The following PCCA variants were observed in gnomAD, a reference collection of about 807,000 sequenced individuals.
PCCA encodes propionyl-CoA carboxylase alpha chain, mitochondrial.
In PCCA, 74 loss-of-function variants were observed where a neutral mutation model predicts 101.3. That is an observed-to-expected ratio of 0.73 (90% confidence interval 0.61 to 0.89). The LOEUF (loss-of-function observed/expected upper bound fraction) is 0.89. PCCA is among the 40% of genes least tolerant of loss of function. The pLI, the probability that PCCA is intolerant of heterozygous loss-of-function variation, is 0.00. For missense variants in PCCA, 891 were observed against 907.0 expected, an observed-to-expected ratio of 0.98 and a Z score of 0.23; for synonymous variants, 294 against 313.6, an observed-to-expected ratio of 0.94 and a Z score of 0.66.
At chr13:100,192,544 T>C (rs1391504062) in intron 6 of PCCA, among the ~76,000 whole-genome samples, 1 of 152,184 alleles carries the variant, frequency 6.6e-6, no homozygotes, top group Non-Finnish European at 1.5e-5. Flanking sequence ...AGGATCATTA[T>C]TATTCTCTGA....
At chr13:100,494,405 C>T (rs545610056) in intron 21 of PCCA, among the ~76,000 whole-genome samples, 5 of 151,050 alleles carry the variant, frequency 3.3e-5, no homozygotes, top group South Asian at 4.2e-4. Flanking sequence ...AAATTCCGGC[C>T]GGGTACGGTG....
At chr13:100,181,737 T>C (rs1391939579) in intron 6 of PCCA, among the ~76,000 whole-genome samples, 5 of 150,130 alleles carry the variant, frequency 3.3e-5, no homozygotes, top group African/African-American at 1.2e-4. Context: ...TAGTTACTAA[T>C]ATTCTTTTTT....
rs570608115 is a variant in PCCA at position 100,244,049 on chromosome 13, C to A, written c.637+8171C>A. On this transcript the variant is annotated intron_variant, in intron 8 of 23. Transcript: ENST00000376285. Reference sequence around the variant, plus strand: ...TGGGGTTAAGGTTATATGGAAGAAACCTTTGCAAAAACATTACAATTTATA... The same window carrying A: ...TGGGGTTAAGGTTATATGGAAGAAAACTTTGCAAAAACATTACAATTTATA... Among the ~76,000 whole-genome samples, 10 of 152,090 alleles carry A rather than the reference C, an allele frequency of 6.6e-5. No individual in the cohort carries two copies. In the South Asian group the frequency reaches 8.3e-4, roughly 13 times the overall value.
At chr13:100,285,774 G>A (rs1362653801) in intron 12 of PCCA, among the ~76,000 whole-genome samples, 4 of 152,140 alleles carry the variant, frequency 2.6e-5, no homozygotes, top group South Asian at 2.1e-4. Flanking sequence ...TATGCTGCCC[G>A]AGATGATCTC....
intron 19 of PCCA, among the ~76,000 whole-genome samples, chr13:100,422,070 TTTTCTTTCTTTCTTTCTTTCTTTCTTTC>T (rs1555454057): frequency 9.0e-6 from 1 of 110,666 alleles, no homozygotes; most frequent in East Asian, 2.7e-4. Context: ...TTCTCTTTTC[TTTTCTTTCTTTCTTTCTTTCTTTCTTTC>T]TTTCTTTCTT....
intron 16 of PCCA, among the ~76,000 whole-genome samples, chr13:100,314,739 A>G (rs2067194050): frequency 1.3e-5 from 2 of 152,236 alleles, no homozygotes; most frequent in Admixed American, 6.5e-5. Context: ...CTCTTCAAAC[A>G]TGTCAAGGTC....
At position 100,215,719 on chromosome 13, in the gene PCCA, C is replaced by T. The variant is rs147166101; in HGVS notation, c.600+6256C>T. Among the ~76,000 whole-genome samples, 256 of 152,112 alleles carry T rather than the reference C, an allele frequency of 1.7e-3. 1 individual carries two copies. Among genetic ancestry groups the T allele is most frequent in the African/African-American group, 5.9e-3 (245 of 41,504 alleles). On this transcript the variant is annotated intron_variant, in intron 7 of 23. Transcript: ENST00000376285. ...GTGTCATGATCTCGGCTCACTGTAA[C>T]CTCCGTCCACCCTGGGTTCAAGCAA...
At chr13:100,275,338 CT>C (rs977885186) in intron 12 of PCCA, among the ~76,000 whole-genome samples, 104 of 152,260 alleles carry the variant, frequency 6.8e-4, no homozygotes, top group African/African-American at 2.5e-3. Flanking sequence ...GTAGACCGTC[CT>C]TGTGTCCTTG....
chr13:100,467,539 T>G (rs1463770396), intron 21 of PCCA, among the ~76,000 whole-genome samples: 5 of 152,064 alleles, frequency 3.3e-5, no homozygotes, highest in Non-Finnish European at 7.4e-5. Context: ...CCAGACTAAT[T>G]TTTTGTATTT....
In PCCA at chr13:100,391,023, CTTTT is replaced by C. The variant is rs796230963; in HGVS notation, c.1746+22458_1746+22461del. 2.1e-5 allele frequency among the ~76,000 whole-genome samples: 3 copies of C among 144,578 alleles called. No homozygotes were observed. In the South Asian group the frequency reaches 6.6e-4, roughly 32 times the overall value. 94.8% of individuals were successfully genotyped at this position (144,578 alleles called of 152,430 possible). ...AAGAACTAGGAGAAGGGCCTCTGTGCTTTTTTTTTTTTGAAATGGAGTCTTGCTC... is the reference window on the plus strand; with the variant it reads ...AAGAACTAGGAGAAGGGCCTCTGTGCTTTTTTTTGAAATGGAGTCTTGCTC... On this transcript the variant is annotated intron_variant, in intron 19 of 23. Coordinates refer to ENST00000376285, the MANE Select transcript of PCCA (RefSeq NM_000282.4).
chr13:100,260,180 G>A (rs2062391517), intron 9 of PCCA, among the ~76,000 whole-genome samples: 1 of 152,130 alleles, frequency 6.6e-6, no homozygotes, highest in Non-Finnish European at 1.5e-5. Flanking sequence ...TTTCTTTGAA[G>A]TTTGCAGCCT....
intron 19 of PCCA, among the ~76,000 whole-genome samples, chr13:100,384,964 A>ATATTTTATATTTATTTTT (rs1445280364): frequency 2.2e-4 from 33 of 152,194 alleles, no homozygotes; most frequent in Admixed American, 2.2e-3. Flanking sequence ...TTTTGAAGTC[A>ATATTTTATATTTATTTTT]TATTTTATAT....
chr13:100,138,934 CAAAAAAA>C (rs34466523), intron 4 of PCCA, among the ~76,000 whole-genome samples: 2 of 83,112 alleles, frequency 2.4e-5, no homozygotes, highest in South Asian at 4.2e-4. Flanking sequence ...AACTCCATCT[CAAAAAAA>C]AAAAAAAAAA....
At chr13:100,301,722 T>C (rs749177040) in intron 13 of PCCA, 119 bp downstream of exon 13, 8 of 1,137,326 alleles carry the variant, frequency 7.0e-6, no homozygotes, top group Non-Finnish European at 1.1e-5. Context: ...TTGGATTACG[T>C]AATCCATAAT....
At chr13:100,114,679 G>C (rs115138278) in intron 4 of PCCA, among the ~76,000 whole-genome samples, 279 of 152,304 alleles carry the variant, frequency 1.8e-3, no homozygotes, top group African/African-American at 6.4e-3. Context: ...TATATGTAAA[G>C]GTGCTCGACA....
chr13:100,224,418 C>T (rs1340653073), intron 7 of PCCA, among the ~76,000 whole-genome samples: 7 of 152,232 alleles, frequency 4.6e-5, no homozygotes, highest in Admixed American at 2.0e-4. Flanking sequence ...CCCTGGTTCC[C>T]GCTGGCGCCT....
At chr13:100,381,829 T>A (rs964136453) in intron 19 of PCCA, among the ~76,000 whole-genome samples, 1 of 152,222 alleles carries the variant, frequency 6.6e-6, no homozygotes, top group African/African-American at 2.4e-5. Context: ...CATTTGCACC[T>A]GTTGCCTTCC....
chr13:100,510,762 T>C (rs1271918115), intron 21 of PCCA, among the ~76,000 whole-genome samples: 2 of 152,238 alleles, frequency 1.3e-5, no homozygotes, highest in South Asian at 2.1e-4. Flanking sequence ...CGAGTGCTGT[T>C]GGATTAAATG....
chr13:100,488,358 G>A (rs1286399922), intron 21 of PCCA, among the ~76,000 whole-genome samples: 1 of 152,212 alleles, frequency 6.6e-6, no homozygotes, highest in Non-Finnish European at 1.5e-5. Context: ...TTCCCAAAGT[G>A]CTAGGATTTA....
Sources: allele counts gnomAD v4.1 joint callset (sites outside exome capture counted in the v4.1 genomes callset), GRCh38; gene constraint gnomAD v4.1.1; transcripts MANE v1.5; gene names NCBI Gene and HGNC (gene_info 2026-07-23, HGNC 2026-07-21).